Variants in MCEMP1 observed in about 807,000 individuals in gnomAD.
MCEMP1 encodes the protein mast cell expressed membrane protein 1, also known as mast cell-expressed membrane protein 1.
In MCEMP1, 17 loss-of-function variants were observed where a neutral mutation model predicts 27.9. The ratio of observed to expected loss-of-function variants is 0.61; its 90% CI spans 0.42 to 0.91. MCEMP1 has a LOEUF of 0.91. Among genes scored for constraint, MCEMP1 ranks in the 40% least tolerant of loss-of-function variants. MCEMP1 has a pLI of 0.00. For missense variants in MCEMP1, 200 were observed against 204.8 expected (o/e 0.98, Z 0.14); for synonymous variants, 88 against 76.9 (o/e 1.14, Z -0.76).
Position 7,678,302 on chromosome 19 carries a change from C to G in MCEMP1, c.284-48C>G, listed in dbSNP as rs562965704. 5.6e-6 allele frequency: 9 copies of G among 1,614,048 alleles called. No individual in the cohort carries two copies. The African/African-American group carries it at 1.2e-4, about 22-fold the overall frequency. ...TAGACTTTCTCCCTTGTCCTTCTCT[C>G]TCTCTCTCCCTGGGTGCTTCAAGGA... On this transcript the variant is annotated intron_variant, in intron 3 of 6. Transcript: ENST00000333598. The surrounding 1 kb of genome is among the most constrained non-coding windows in gnomAD (Gnocchi z 4.8).
Position 7,678,660 on chromosome 19 carries a change from G to C in MCEMP1, c.448+56G>C. 2 of 1,509,004 alleles carry C rather than the reference G, an allele frequency of 1.3e-6. No homozygotes were observed. Among genetic ancestry groups the C allele is most frequent in the Non-Finnish European group, 1.8e-6 (2 of 1,090,118 alleles). The allele number at this position is 1,509,004 out of a possible 1,614,324, so 93.5% of individuals were successfully genotyped here. On this transcript the variant is annotated intron_variant, in intron 5 of 6. Transcript: ENST00000333598. This position sits in a 1 kb window ranked among gnomAD's most constrained non-coding sequence, Gnocchi z 4.8. The stretch of plus-strand genomic sequence containing the variant: ...TTATTTGTCACCAATGCCCGGAGCT[G>C]AGCTGGGGGCAGGGGATTCAGGGGA...
chr19:7,679,353 C>CGT lies in MCEMP1; in HGVS notation c.*247_*248dup. ...TCGTGTATGTGCGTGTGTGCGTGCG[C>CGT]GTGTGTGTGCATTTTGCAAAGGGTG... On this transcript the variant is annotated 3_prime_UTR_variant, in exon 7 of 7. Transcript: ENST00000333598. The surrounding 1 kb of genome is among the most constrained non-coding windows in gnomAD (Gnocchi z 4.9). 1.9e-6 allele frequency: 1 copy of CGT among 523,032 alleles called. No individual in the cohort carries two copies. The highest frequency in any genetic ancestry group is 3.4e-6 in the Non-Finnish European group (1 of 297,652). 32.4% of individuals were successfully genotyped at this position (523,032 alleles called of 1,614,324 possible).
chr19:7,677,552 T>C lies in MCEMP1; in HGVS notation c.56-85T>C, dbSNP rs2032566874. 1 of 1,292,594 alleles carries C rather than the reference T, an allele frequency of 7.7e-7. No homozygotes were observed. The highest frequency in any genetic ancestry group is 1.7e-5 in the Admixed American group (1 of 57,208). The allele number at this position is 1,292,594 out of a possible 1,614,324, so 80.1% of individuals were successfully genotyped here. On this transcript the variant is annotated intron_variant, in intron 1 of 6. Coordinates refer to ENST00000333598, the MANE Select transcript of MCEMP1 (RefSeq NM_174918.3). This position sits in a 1 kb window ranked among gnomAD's most constrained non-coding sequence, Gnocchi z 4.6. ...CTTATCTTTCACCCCCTACAATTTA[T>C]TGAGTGCAAAGGGTTGGGTAAAACA...
rs1371826433 is a variant in MCEMP1 at position 7,678,160 on chromosome 19, A to G, written c.202A>G (p.Arg68Gly). Residue 68 changes from arginine to glycine, a missense_variant, in exon 3 of 7, where the codon AGA becomes GGA. Physicochemically the swap from Arg to Gly is moderately radical, Grantham distance 125 (BLOSUM62 -2). Transcript: ENST00000333598. The surrounding 1 kb of genome is among the most constrained non-coding windows in gnomAD (Gnocchi z 4.8). ...CACCCAGGTCCCCTGCTGGTTGTACAGAGCCATCCTGAGCCTGTACATCCT... is the reference window on the plus strand; with the variant it reads ...CACCCAGGTCCCCTGCTGGTTGTACGGAGCCATCCTGAGCCTGTACATCCT... The part of the protein sequence containing the change: ...DSTQVPCWLY[R>G]AILSLYILLA... The G allele has an allele frequency of 3.1e-6, 5 of 1,614,008 alleles. No individual in the cohort carries two copies. The highest frequency in any genetic ancestry group is 4.2e-6 in the Non-Finnish European group (5 of 1,179,940).
chr19:7,678,439 T>A lies in MCEMP1; in HGVS notation c.334+39T>A. 6.2e-7 allele frequency: 1 copy of A among 1,613,810 alleles called. No homozygotes were observed. Among genetic ancestry groups the A allele is most frequent in the East Asian group, 2.2e-5 (1 of 44,846 alleles). On this transcript the variant is annotated intron_variant, in intron 4 of 6. Transcript: ENST00000333598. This position sits in a 1 kb window ranked among gnomAD's most constrained non-coding sequence, Gnocchi z 4.8. The stretch of plus-strand genomic sequence containing the variant: ...CTGAGGGAGACCCGTGGGGTCATGG[T>A]GGGGGTCTGGAGAGGGATGGATGCA...
In MCEMP1 at chr19:7,678,722, T is replaced by C; in HGVS notation, c.448+118T>C. On this transcript the variant is annotated intron_variant, in intron 5 of 6. Coordinates refer to ENST00000333598, the MANE Select transcript of MCEMP1 (RefSeq NM_174918.3). The surrounding 1 kb of genome is among the most constrained non-coding windows in gnomAD (Gnocchi z 4.8). Reference sequence around the variant, plus strand: ...GGGTCCTACCCTCCCAAAGCTCAAGTTGTGGAGGGGCGATGGGTGTTACCA... The same window carrying C: ...GGGTCCTACCCTCCCAAAGCTCAAGCTGTGGAGGGGCGATGGGTGTTACCA... 7 of 1,176,470 alleles carry C rather than the reference T, an allele frequency of 5.9e-6. 1 individual carries two copies. In the East Asian group the frequency reaches 1.8e-4, roughly 30 times the overall value. 72.9% of individuals were successfully genotyped at this position (1,176,470 alleles called of 1,614,324 possible). A position where few individuals can be genotyped will look rare whatever the true frequency, so the allele number is the denominator to read the frequency against.
At position 7,678,897 on chromosome 19, in the gene MCEMP1, T is replaced by TTCCCCCC; in HGVS notation, c.449-27_449-26insTCCCCCC. 31 of 993,956 alleles carry TTCCCCCC rather than the reference T, an allele frequency of 3.1e-5. No individual in the cohort carries two copies. Among genetic ancestry groups the TTCCCCCC allele is most frequent in the Non-Finnish European group, 4.3e-5 (28 of 644,788 alleles). 61.6% of individuals were successfully genotyped at this position (993,956 alleles called of 1,614,324 possible). A position where few individuals can be genotyped will look rare whatever the true frequency, so the allele number is the denominator to read the frequency against. ...CTCCACCGCAGCTTGACTTATCTGT[T>TTCCCCCC]CCCACCCAACCCTCCCCGCCCCCTA... On this transcript the variant is annotated intron_variant, in intron 5 of 6. Transcript: ENST00000333598. The surrounding 1 kb of genome is among the most constrained non-coding windows in gnomAD (Gnocchi z 4.8).
At position 7,679,170 on chromosome 19, in the gene MCEMP1, C is replaced by A; in HGVS notation, c.*56C>A. On this transcript the variant is annotated 3_prime_UTR_variant, in exon 7 of 7. Coordinates refer to ENST00000333598, the MANE Select transcript of MCEMP1 (RefSeq NM_174918.3). The surrounding 1 kb of genome is among the most constrained non-coding windows in gnomAD (Gnocchi z 4.9). Reference sequence around the variant, plus strand: ...AACTTGGAAGATGGGGCTGCACCTGCCAACGAAGACGGGAAATGACCCCCC... The same window carrying A: ...AACTTGGAAGATGGGGCTGCACCTGACAACGAAGACGGGAAATGACCCCCC... The A allele has an allele frequency of 6.7e-7, 1 of 1,482,186 alleles. No individual in the cohort carries two copies. 91.8% of individuals were successfully genotyped at this position (1,482,186 alleles called of 1,614,324 possible).
In MCEMP1 at chr19:7,677,109, C is replaced by T; in HGVS notation, c.-12C>T. 6.2e-7 allele frequency: 1 copy of T among 1,600,060 alleles called. No homozygotes were observed. The highest frequency in any genetic ancestry group is 8.5e-7 in the Non-Finnish European group (1 of 1,172,924). ...GGAAGTGGAGGAAATCTACAAGCAC[C>T]AGGAAGTCAAGATGCAAGCACCAGC... On this transcript the variant is annotated 5_prime_UTR_variant, in exon 1 of 7. Coordinates refer to ENST00000333598, the MANE Select transcript of MCEMP1 (RefSeq NM_174918.3). The surrounding 1 kb of genome is among the most constrained non-coding windows in gnomAD (Gnocchi z 4.6).
chr19:7,677,796 C>A lies in MCEMP1; in HGVS notation c.145+70C>A. The A allele has an allele frequency of 3.6e-6, 5 of 1,399,222 alleles. No homozygotes were observed. The South Asian group carries it at 6.9e-5, about 19-fold the overall frequency. The allele number at this position is 1,399,222 out of a possible 1,614,324, so 86.7% of individuals were successfully genotyped here. A position where few individuals can be genotyped will look rare whatever the true frequency, so the allele number is the denominator to read the frequency against. On this transcript the variant is annotated intron_variant, in intron 2 of 6. Coordinates refer to ENST00000333598, the MANE Select transcript of MCEMP1 (RefSeq NM_174918.3). The surrounding 1 kb of genome is among the most constrained non-coding windows in gnomAD (Gnocchi z 4.6). ...GGCAGGTGGGCGGGCAACTGCAGGG[C>A]CCCCGGGGCTGCGTGGAAGGGAGGA...
Position 7,679,339 on chromosome 19 carries a change from CGTGTGT to C in MCEMP1, c.*227_*232del. On this transcript the variant is annotated 3_prime_UTR_variant, in exon 7 of 7. Coordinates refer to ENST00000333598, the MANE Select transcript of MCEMP1 (RefSeq NM_174918.3). This position sits in a 1 kb window ranked among gnomAD's most constrained non-coding sequence, Gnocchi z 4.9. ...GTGTGCGCGTGTGTTCGTGTATGTG[CGTGTGT>C]GCGTGCGCGTGTGTGTGCATTTTGC... is the stretch of plus-strand genomic sequence containing the variant. 1 of 569,556 alleles carries C rather than the reference CGTGTGT, an allele frequency of 1.8e-6. No individual in the cohort carries two copies. Among genetic ancestry groups the C allele is most frequent in the Non-Finnish European group, 3.1e-6 (1 of 324,012 alleles). The allele number at this position is 569,556 out of a possible 1,614,324, so 35.3% of individuals were successfully genotyped here.
rs2032567135 is a variant in MCEMP1 at position 7,677,567 on chromosome 19, T to C, written c.56-70T>C. 1.4e-6 allele frequency: 2 copies of C among 1,397,800 alleles called. No individual in the cohort carries two copies. Among genetic ancestry groups the C allele is most frequent in the Non-Finnish European group, 1.0e-6 (1 of 983,540 alleles). 86.6% of individuals were successfully genotyped at this position (1,397,800 alleles called of 1,614,324 possible). ...CTACAATTTATTGAGTGCAAAGGGT[T>C]GGGTAAAACAAGATCCCGGATCCAC... On this transcript the variant is annotated intron_variant, in intron 1 of 6. Transcript: ENST00000333598. This position sits in a 1 kb window ranked among gnomAD's most constrained non-coding sequence, Gnocchi z 4.6.
rs1313484900 is a variant in MCEMP1, at chr19:7,677,737, A to T, written c.145+11A>T. 6.3e-7 allele frequency: 1 copy of T among 1,591,276 alleles called. No individual in the cohort carries two copies. The highest frequency in any genetic ancestry group is 1.1e-5 in the South Asian group (1 of 87,528). On this transcript the variant is annotated intron_variant, in intron 2 of 6. Transcript: ENST00000333598. The surrounding 1 kb of genome is among the most constrained non-coding windows in gnomAD (Gnocchi z 4.6). Reference sequence around the variant, plus strand: ...GACCCACGAGCCAAGGTGAGCAGACACCCACCTGCTCACATCCCATCACCT... The same window carrying T: ...GACCCACGAGCCAAGGTGAGCAGACTCCCACCTGCTCACATCCCATCACCT...
Position 7,679,348 on chromosome 19 carries a change from G to A in MCEMP1, c.*234G>A, listed in dbSNP as rs1193490000. On this transcript the variant is annotated 3_prime_UTR_variant, in exon 7 of 7. Coordinates refer to ENST00000333598, the MANE Select transcript of MCEMP1 (RefSeq NM_174918.3). The surrounding 1 kb of genome is among the most constrained non-coding windows in gnomAD (Gnocchi z 4.9). ...TGTGTTCGTGTATGTGCGTGTGTGC[G>A]TGCGCGTGTGTGTGCATTTTGCAAA... 11 of 543,308 alleles carry A rather than the reference G, an allele frequency of 2.0e-5. 1 individual carries two copies. The highest frequency in any genetic ancestry group is 3.1e-5 in the East Asian group (1 of 32,422). 33.7% of individuals were successfully genotyped at this position (543,308 alleles called of 1,614,324 possible).
At position 7,679,194 on chromosome 19, in the gene MCEMP1, C is replaced by T. The variant is rs865906528; in HGVS notation, c.*80C>T. 1,445 of 1,421,050 alleles carry T rather than the reference C, an allele frequency of 1.0e-3. 23 individuals carry two copies. The African/African-American group carries it at 0.018, about 17-fold the overall frequency. 88.0% of individuals were successfully genotyped at this position (1,421,050 alleles called of 1,614,324 possible). A position where few individuals can be genotyped will look rare whatever the true frequency, so the allele number is the denominator to read the frequency against. On this transcript the variant is annotated 3_prime_UTR_variant, in exon 7 of 7. Coordinates refer to ENST00000333598, the MANE Select transcript of MCEMP1 (RefSeq NM_174918.3). This position sits in a 1 kb window ranked among gnomAD's most constrained non-coding sequence, Gnocchi z 4.9. Reference sequence around the variant, plus strand: ...GCCAACGAAGACGGGAAATGACCCCCCCCCCCCAGCCTAGTGTGAACCTGC... The same window carrying T: ...GCCAACGAAGACGGGAAATGACCCCTCCCCCCCAGCCTAGTGTGAACCTGC...
At position 7,677,668 on chromosome 19, in the gene MCEMP1, C is replaced by A. The variant is rs768018485; in HGVS notation, c.87C>A (p.Thr29=). The A allele has an allele frequency of 1.2e-6, 2 of 1,613,962 alleles. No homozygotes were observed. The highest frequency in any genetic ancestry group is 1.7e-6 in the Non-Finnish European group (2 of 1,179,932). Residue 29 remains threonine, a synonymous_variant, in exon 2 of 7, where the codon ACC becomes ACA. Coordinates refer to ENST00000333598, the MANE Select transcript of MCEMP1 (RefSeq NM_174918.3). This position sits in a 1 kb window ranked among gnomAD's most constrained non-coding sequence, Gnocchi z 4.6. ...ATGACCCAGACTATGAGAATATCAC[C>A]TTGGCCTTCAAAAATCAGGACCATG... ...GAHDPDYENI[T]LAFKNQDHAK... is the part of the protein sequence containing the mutation.
Position 7,677,245 on chromosome 19 carries a change from G to A in MCEMP1, c.55+70G>A. Reference sequence around the variant, plus strand: ...TGGGGGGCCGGGGGCTTTTGCTCATGTCTGTAATCCTAGCACTTTGGGAGG... The same window carrying A: ...TGGGGGGCCGGGGGCTTTTGCTCATATCTGTAATCCTAGCACTTTGGGAGG... On this transcript the variant is annotated intron_variant, in intron 1 of 6. Transcript: ENST00000333598. The surrounding 1 kb of genome is among the most constrained non-coding windows in gnomAD (Gnocchi z 4.6). 2.2e-6 allele frequency: 3 copies of A among 1,382,190 alleles called. No individual in the cohort carries two copies. The highest frequency in any genetic ancestry group is 3.0e-6 in the Non-Finnish European group (3 of 996,702). 85.6% of individuals were successfully genotyped at this position (1,382,190 alleles called of 1,614,324 possible). A position where few individuals can be genotyped will look rare whatever the true frequency, so the allele number is the denominator to read the frequency against.
At position 7,678,340 on chromosome 19, in the gene MCEMP1, TC is replaced by T; in HGVS notation, c.284-8del. On this transcript the variant is annotated splice_polypyrimidine_tract_variant and intron_variant, in intron 3 of 6. Coordinates refer to ENST00000333598, the MANE Select transcript of MCEMP1 (RefSeq NM_174918.3). This position sits in a 1 kb window ranked among gnomAD's most constrained non-coding sequence, Gnocchi z 4.8. ...GGTGCTTCAAGGATTTTCCTGCCCC[TC>T]CTGAACAGATGCTGAGATGTCCAAG... 4 of 1,614,040 alleles carry T rather than the reference TC, an allele frequency of 2.5e-6. No individual in the cohort carries two copies. Among genetic ancestry groups the T allele is most frequent in the Non-Finnish European group, 2.5e-6 (3 of 1,180,014 alleles).
rs2032599914 is a variant in MCEMP1, at chr19:7,679,557, TG to T, written c.*444del. On this transcript the variant is annotated 3_prime_UTR_variant, in exon 7 of 7. Coordinates refer to ENST00000333598, the MANE Select transcript of MCEMP1 (RefSeq NM_174918.3). This position sits in a 1 kb window ranked among gnomAD's most constrained non-coding sequence, Gnocchi z 4.9. ...GAGTGTGGGTGTTGGTGACATGCAT[TG>T]CACGGGCCTGTCTCCCTGTTTGTGT... The T allele has an allele frequency of 1.1e-5, 2 of 181,652 alleles. No homozygotes were observed. The highest frequency in any genetic ancestry group is 1.3e-4 in the South Asian group (1 of 7,556). The allele number at this position is 181,652 out of a possible 1,614,324, so 11.3% of individuals were successfully genotyped here. A position where few individuals can be genotyped will look rare whatever the true frequency, so the allele number is the denominator to read the frequency against.
Sources: gnomAD v4.1 joint callset for allele counts on GRCh38, gnomAD v4.1.1 for gene constraint, Gnocchi (gnomAD v3.1) non-coding constraint, MANE v1.5 for transcripts, NCBI Gene and HGNC (gene_info 2026-07-23, HGNC 2026-07-21) for gene names.